The following LRRIQ4 variants were observed in gnomAD, a reference collection of about 807,000 sequenced individuals.
The protein encoded by LRRIQ4 is leucine rich repeats and IQ motif containing 4.
LRRIQ4 carries 21 observed loss-of-function variants against 40.1 expected under a neutral mutation model. The observed-to-expected ratio is 0.52, with a 90% CI of 0.37 to 0.75. LRRIQ4 has a LOEUF of 0.75. LRRIQ4 is among the 30% of genes least tolerant of loss of function. The probability of loss-of-function intolerance (pLI) is 0.00; values close to 1 mark genes in which losing one functional copy is unlikely to be tolerated. For missense variants in LRRIQ4, 655 were observed against 660.0 expected (o/e 0.99, Z 0.08); for synonymous variants, 277 against 277.1 (o/e 1.00, Z 0.00).
At position 169,822,630 on chromosome 3, in the gene LRRIQ4, T is replaced by C. The variant is rs367833327; in HGVS notation, c.709T>C (p.Ser237Pro). The change falls in exon 2 of 6, where the codon TCG becomes CCG. Residue 237 changes from serine to proline, a missense_variant. Ser to Pro is a moderately conservative substitution (Grantham distance 74, BLOSUM62 -1). Transcript: ENST00000340806. The part of the protein sequence containing the change: ...PASLCQCSQL[S>P]VLDLSHNLLH... Reference sequence around the variant, plus strand: ...GTCCTTGTGCCAGTGTAGCCAACTGTCGGTGCTCGATTTATCCCACAACCT... The same window carrying C: ...GTCCTTGTGCCAGTGTAGCCAACTGCCGGTGCTCGATTTATCCCACAACCT... 2.5e-5 allele frequency: 41 copies of C among 1,613,808 alleles called. No individual in the cohort carries two copies. The highest frequency in any genetic ancestry group is 3.3e-5 in the Non-Finnish European group (39 of 1,179,864).
chr3:169,824,719 G>C (rs1161379715), intron 2 of LRRIQ4, among the ~76,000 whole-genome samples: 1 of 151,916 alleles, frequency 6.6e-6, no homozygotes, highest in African/African-American at 2.4e-5. Context: ...CACCATGTTG[G>C]CCAGGCTGGT....
intron 1 of LRRIQ4, 22 bp downstream of exon 1, chr3:169,813,068 A>G (rs1474461916): frequency 6.5e-6 from 1 of 153,082 alleles, no homozygotes; most frequent in African/African-American, 2.4e-5. Flanking sequence ...TACTCAGATC[A>G]GTACAGACAG....
intron 4 of LRRIQ4, 135 bp from the exon 5 acceptor site, chr3:169,832,852 G>A (rs1172058196): frequency 1.7e-5 from 12 of 705,434 alleles, no homozygotes; most frequent in Non-Finnish European, 2.3e-5. Context: ...AAGTTTTGTC[G>A]GGTCTTGTGC....
chr3:169,820,137 G>A (rs563186974), intron 1 of LRRIQ4, among the ~76,000 whole-genome samples: 30 of 152,270 alleles, frequency 2.0e-4, no homozygotes, highest in African/African-American at 7.0e-4. Context: ...TGATGGATGA[G>A]AGGCCCAGAT....
chr3:169,813,801 T>C (rs1560606962), intron 1 of LRRIQ4, among the ~76,000 whole-genome samples: 1 of 152,214 alleles, frequency 6.6e-6, no homozygotes, highest in Non-Finnish European at 1.5e-5. Flanking sequence ...TGTCCAATTC[T>C]TTGTTCAAGA....
intron 5 of LRRIQ4, among the ~76,000 whole-genome samples, chr3:169,834,421 G>C (rs542810685): frequency 6.6e-6 from 1 of 152,332 alleles, no homozygotes; most frequent in South Asian, 2.1e-4. Context: ...AAGAATGAAA[G>C]TTGTGGTTCT....
chr3:169,832,444 G>A (rs146795566), intron 4 of LRRIQ4, among the ~76,000 whole-genome samples: 8,889 of 150,404 alleles, frequency 0.059, 328 homozygotes, highest in Admixed American at 0.089. Flanking sequence ...CTCCAGCCTC[G>A]GTGACAGAGC....
chr3:169,830,967 C>A (rs1411840287), intron 4 of LRRIQ4, among the ~76,000 whole-genome samples: 1 of 152,168 alleles, frequency 6.6e-6, no homozygotes, highest in Non-Finnish European at 1.5e-5. Flanking sequence ...TGGGATCCTG[C>A]AGTAAATTTC....
chr3:169,822,335 TA>T lies in LRRIQ4; in HGVS notation c.419del (p.Asn140ThrfsTer10). 6.2e-7 allele frequency: 1 copy of T among 1,613,844 alleles called. No individual in the cohort carries two copies. ...TGAAGGAAATTCCCGTCGTCATCTT[TA>T]AAAACCTCCACCATCTCGAGCTGCT... The part of the protein sequence containing the change: ...DLKEIPVVIF[K>X]NLHHLELLGL... On this transcript the variant is annotated frameshift_variant, in exon 2 of 6. Coordinates refer to ENST00000340806, the MANE Select transcript of LRRIQ4 (RefSeq NM_001080460.3). LOFTEE classifies it high-confidence loss of function.
rs1448677852 is a variant in LRRIQ4 at position 169,837,575 on chromosome 3, G to C, written c.1627G>C (p.Asp543His). Residue 543 changes from aspartate (D) to histidine (H), a missense_variant, in exon 6 of 6, where the codon GAT (aspartate) becomes CAT (histidine). By Grantham distance (81) the Asp-to-His change is moderately conservative. Transcript: ENST00000340806. Reference sequence around the variant, plus strand: ...AAAGAAAGGAAAGACCTCTCCAAAAGATAAGAAAGGAAAGAAGGATGTAAA... The same window carrying C: ...AAAGAAAGGAAAGACCTCTCCAAAACATAAGAAAGGAAAGAAGGATGTAAA... The part of the protein sequence containing the change: ...PQKKGKTSPK[D>H]KKGKKDVKGK... 1 of 1,597,300 alleles carries C rather than the reference G, an allele frequency of 6.3e-7. No individual in the cohort carries two copies. The highest frequency in any genetic ancestry group is 1.8e-5 in the Admixed American group (1 of 57,024).
At chr3:169,818,701 C>A (rs968879621) in intron 1 of LRRIQ4, among the ~76,000 whole-genome samples, 2 of 152,186 alleles carry the variant, frequency 1.3e-5, no homozygotes, top group Non-Finnish European at 2.9e-5. Flanking sequence ...TTCTGCCACT[C>A]TTTATTACCA....
At chr3:169,813,463 T>G (rs1412445838) in intron 1 of LRRIQ4, among the ~76,000 whole-genome samples, 1 of 152,146 alleles carries the variant, frequency 6.6e-6, no homozygotes, top group African/African-American at 2.4e-5. Context: ...GGTAATAGTT[T>G]CCTTATCCCC....
At chr3:169,827,650 G>A (rs1277423951) in intron 2 of LRRIQ4, among the ~76,000 whole-genome samples, 5 of 150,920 alleles carry the variant, frequency 3.3e-5, no homozygotes, top group African/African-American at 1.2e-4. Context: ...TTCCCATGTG[G>A]TCTCCCATGG....
At chr3:169,819,328 T>C (rs889807002) in intron 1 of LRRIQ4, among the ~76,000 whole-genome samples, 1 of 152,110 alleles carries the variant, frequency 6.6e-6, no homozygotes, top group African/African-American at 2.4e-5. Flanking sequence ...ATTGATGGGG[T>C]ATATGATTAA....
chr3:169,827,864 G>A (rs10936603), intron 2 of LRRIQ4, among the ~76,000 whole-genome samples: 7 of 151,898 alleles, frequency 4.6e-5, no homozygotes, highest in Non-Finnish European at 1.5e-5. Flanking sequence ...TTCTTAAGGC[G>A]TTCCAGCCCT....
At chr3:169,820,000 A>G (rs1779843765) in intron 1 of LRRIQ4, among the ~76,000 whole-genome samples, 1 of 152,232 alleles carries the variant, frequency 6.6e-6, no homozygotes, top group East Asian at 1.9e-4. Context: ...ACATTGTCTC[A>G]GAGCTGGTTT....
chr3:169,830,609 G>C lies in LRRIQ4; in HGVS notation c.1312G>C (p.Asp438His), dbSNP rs762185404. ...GCACAATTTGCTTAAGCAACTTCCA[G>C]ATGCCATTTGCCAAGCACAAGGTGA... ...CRHNLLKQLP[D>H]AICQAQALKE... Residue 438 changes from aspartate (D) to histidine (H), a missense_variant, in exon 4 of 6, where the codon GAT (aspartate) becomes CAT (histidine). Transcript: ENST00000340806. 1 of 1,613,778 alleles carries C rather than the reference G, an allele frequency of 6.2e-7. No individual in the cohort carries two copies. Among genetic ancestry groups the C allele is most frequent in the East Asian group, 2.2e-5 (1 of 44,886 alleles).
In LRRIQ4 at chr3:169,827,797, G is replaced by T. The variant is rs370810688; in HGVS notation, c.1021-962G>T. 9.2e-5 allele frequency among the ~76,000 whole-genome samples: 14 copies of T among 152,182 alleles called. No homozygotes were observed. In the South Asian group the frequency reaches 1.7e-3, roughly 18 times the overall value. On this transcript the variant is annotated intron_variant, in intron 2 of 5. Transcript: ENST00000340806. ...AGGAGGTGGTGTTTAGATAAAACTG[G>T]ATGGCTCGCTATAAAAAGTATGCAA... is the stretch of plus-strand genomic sequence containing the variant.
intron 5 of LRRIQ4, 62 bp downstream of exon 5, chr3:169,833,245 T>C (rs1780227333): frequency 2.9e-6 from 4 of 1,395,742 alleles, no homozygotes; most frequent in Non-Finnish European, 3.9e-6. Context: ...GTAAACACAG[T>C]ACAGATTATC....
Sources: gnomAD v4.1 joint callset for allele counts (sites outside exome capture counted in the v4.1 genomes callset) on GRCh38, gnomAD v4.1.1 for gene constraint, MANE v1.5 for transcripts, NCBI Gene and HGNC (gene_info 2026-07-23, HGNC 2026-07-21) for gene names.